Variants in CDK11B observed in about 807,000 individuals in gnomAD.
The protein encoded by CDK11B is cyclin dependent kinase 11B.
Under a neutral mutation model 84.0 loss-of-function variants are expected in CDK11B, and 37 were observed. That is an observed-to-expected ratio of 0.44 (90% CI 0.34 to 0.58). CDK11B has a LOEUF of 0.58. Ranked by LOEUF, CDK11B falls within the 20% of genes least tolerant of loss-of-function variation. CDK11B has a pLI of 0.02. For synonymous variants in CDK11B, 269 were observed against 309.8 expected, an observed-to-expected ratio of 0.87 and a Z score of 1.38; for missense variants, 427 against 834.0, an observed-to-expected ratio of 0.51 and a Z score of 6.01.
chr1:1,637,307 C>T, intron 14 of CDK11B, 101 bp downstream of exon 14: 2 of 1,569,112 alleles, frequency 1.3e-6, no homozygotes, highest in Non-Finnish European at 1.7e-6. Flanking sequence ...AGGGCTTTCC[C>T]TGTGGATGCA....
At position 1,637,131 on chromosome 1, in the gene CDK11B, G is replaced by A. The variant is rs1183434157; in HGVS notation, c.1642C>T (p.Arg548Cys). 3.1e-6 allele frequency: 5 copies of A among 1,613,622 alleles called. No homozygotes were observed. Among genetic ancestry groups the A allele is most frequent in the South Asian group, 1.1e-5 (1 of 91,084 alleles). ...KHLHDNWILH[R>C]DLKTSNLLLS... ...AGCAGGTTGGACGTCTTGAGGTCAC[G>A]GTGCAGGATCCAGTTGTCGTGCAGG... is the stretch of plus-strand genomic sequence containing the variant. The change falls in exon 15 of 20, where the codon CGT becomes TGT. Residue 548 changes from arginine to cysteine, a missense_variant. Arg to Cys is a radical substitution (Grantham distance 180). Transcript: ENST00000341832.
At chr1:1,655,300 A>C (rs1434029772) in intron 3 of CDK11B, 69 bp downstream of exon 3, 24 of 1,545,738 alleles carry the variant, frequency 1.6e-5, no homozygotes, top group Non-Finnish European at 2.0e-5. Flanking sequence ...TGTCACAGCG[A>C]CCCTAGGAAG....
In CDK11B at chr1:1,649,587, G is replaced by A. The variant is rs1350981089; in HGVS notation, c.406C>T (p.Arg136Trp). The change falls in exon 5 of 20, where the codon CGG (arginine) becomes TGG (tryptophan). Residue 136 changes from arginine (R) to tryptophan (W), a missense_variant. By Grantham distance (101) the Arg-to-Trp change is moderately radical. This residue lies in a region of CDK11B where 71 missense variants were observed against 66.2 expected (regional missense o/e 1.07). Transcript: ENST00000341832. The stretch of plus-strand genomic sequence containing the variant: ...GCTTTATCCTGTTCTTCTCGATGCC[G>A]TTTCCGACGTTCGTGCTCTCTTTCT... ...EKEREHERRK[R>W]HREEQDKARR... 7 of 1,606,706 alleles carry A rather than the reference G, an allele frequency of 4.4e-6. No individual in the cohort carries two copies. Among genetic ancestry groups the A allele is most frequent in the Middle Eastern group, 1.6e-4 (1 of 6,078 alleles).
chr1:1,651,227 C>A, intron 4 of CDK11B, among the ~76,000 whole-genome samples: 1 of 152,154 alleles, frequency 6.6e-6, no homozygotes, highest in Non-Finnish European at 1.5e-5. Flanking sequence ...TTCTCCTATA[C>A]TTGTTGAATT....
intron 2 of CDK11B, among the ~76,000 whole-genome samples, chr1:1,657,103 T>A (rs1173643913): frequency 6.6e-6 from 1 of 151,256 alleles, no homozygotes; most frequent in African/African-American, 2.4e-5. Context: ...CCGAGAAAAA[T>A]TAGTCCAGTT....
At chr1:1,650,252 A>AG (rs1241443851) in intron 4 of CDK11B, among the ~76,000 whole-genome samples, 2 of 134,916 alleles carry the variant, frequency 1.5e-5, no homozygotes, top group South Asian at 2.5e-4. Flanking sequence ...CCTGGGTGAC[A>AG]AGCAAGACTC....
intron 3 of CDK11B, among the ~76,000 whole-genome samples, chr1:1,654,937 C>T (rs902497239): frequency 1.1e-4 from 17 of 152,096 alleles, no homozygotes; most frequent in Admixed American, 2.0e-4. Flanking sequence ...GGATTACAGG[C>T]GTGAGCCACC....
intron 11 of CDK11B, among the ~76,000 whole-genome samples, chr1:1,639,473 T>A (rs565068860): frequency 1.3e-5 from 2 of 151,918 alleles, no homozygotes; most frequent in African/African-American, 2.4e-5. Context: ...CCCCTGCTTG[T>A]ACCAGGATGA....
intron 3 of CDK11B, among the ~76,000 whole-genome samples, chr1:1,655,084 G>A (rs375452022): frequency 4.7e-4 from 72 of 152,114 alleles, no homozygotes; most frequent in Admixed American, 2.4e-3. Flanking sequence ...ACCACACCTG[G>A]CCTGTGCAAA....
At chr1:1,650,607 T>C (rs1641874865) in intron 4 of CDK11B, among the ~76,000 whole-genome samples, 2 of 150,588 alleles carry the variant, frequency 1.3e-5, no homozygotes, top group South Asian at 2.1e-4. Flanking sequence ...CCTCGTGATC[T>C]GCCGGCCTCG....
At chr1:1,656,067 T>C (rs1298508574) in intron 2 of CDK11B, among the ~76,000 whole-genome samples, 2 of 152,234 alleles carry the variant, frequency 1.3e-5, no homozygotes, top group Non-Finnish European at 2.9e-5. Flanking sequence ...AAGGCGTATC[T>C]TGCAAACCAA....
intron 13 of CDK11B, 52 bp downstream of exon 13, chr1:1,637,710 C>G: frequency 6.2e-7 from 1 of 1,613,510 alleles, no homozygotes; most frequent in East Asian, 2.2e-5. Context: ...AGCACGGGGC[C>G]CTGTCAGAAA....
chr1:1,652,441 C>G lies in CDK11B; in HGVS notation c.353G>C (p.Gly118Ala). The G allele has an allele frequency of 1.3e-6, 2 of 1,499,550 alleles. No individual in the cohort carries two copies. The highest frequency in any genetic ancestry group is 1.8e-6 in the Non-Finnish European group (2 of 1,133,942). 92.9% of individuals were successfully genotyped at this position (1,499,550 alleles called of 1,614,324 possible). A position where few individuals can be genotyped will look rare whatever the true frequency, so the allele number is the denominator to read the frequency against. The change falls in exon 4 of 20, where the codon GGG (glycine) becomes GCG (alanine). Residue 118 changes from glycine (G) to alanine (A), a missense_variant and splice_region_variant. By Grantham distance (60) the Gly-to-Ala change is moderately conservative. Coordinates refer to ENST00000341832, the MANE Select transcript of CDK11B (RefSeq NM_033486.3). ...AAAGAAAGTAAATGCTTCTGTACCC[C>G]CTTCTGCTGAATGGCTACGATGCCT... The part of the protein sequence containing the change: ...KRRHRSHSAE[G>A]GKHARVKEKE...
intron 11 of CDK11B, among the ~76,000 whole-genome samples, chr1:1,639,089 C>T (rs1191409114): frequency 6.6e-6 from 1 of 151,528 alleles, no homozygotes; most frequent in Non-Finnish European, 1.5e-5. Flanking sequence ...TATAGGTACG[C>T]ACCACCACGC....
intron 4 of CDK11B, among the ~76,000 whole-genome samples, chr1:1,650,791 G>C (rs1168782502): frequency 6.7e-6 from 1 of 149,762 alleles, no homozygotes; most frequent in Non-Finnish European, 1.5e-5. Flanking sequence ...ACTGCACCCA[G>C]CCGAATAATC....
intron 2 of CDK11B, among the ~76,000 whole-genome samples, chr1:1,656,191 A>T (rs1477758085): frequency 6.6e-6 from 1 of 151,968 alleles, no homozygotes; most frequent in Non-Finnish European, 1.5e-5. Context: ...CAACGCATAT[A>T]AAAGTTTGGT....
rs1639165186 is a variant in CDK11B, at chr1:1,635,500, G to A, written c.*264C>T. On this transcript the variant is annotated 3_prime_UTR_variant, in exon 20 of 20. Transcript: ENST00000341832. ...CCGTGCGTGTCGAGAGTGGGAGAGG[G>A]TGTGTGGAGGTTTGTGCTGCCCCAC... 4.9e-6 allele frequency: 2 copies of A among 410,446 alleles called. No homozygotes were observed. Among genetic ancestry groups the A allele is most frequent in the South Asian group, 2.5e-5 (1 of 40,790 alleles). 25.4% of individuals were successfully genotyped at this position (410,446 alleles called of 1,614,324 possible). A position where few individuals can be genotyped will look rare whatever the true frequency, so the allele number is the denominator to read the frequency against.
intron 2 of CDK11B, among the ~76,000 whole-genome samples, chr1:1,656,249 G>T (rs1311763401): frequency 6.6e-6 from 1 of 152,208 alleles, no homozygotes; most frequent in Non-Finnish European, 1.5e-5. Flanking sequence ...CACTTTGGGA[G>T]GCTGGGTGAG....
At chr1:1,654,439 T>C (rs1236610009) in intron 3 of CDK11B, among the ~76,000 whole-genome samples, 1 of 152,146 alleles carries the variant, frequency 6.6e-6, no homozygotes, top group African/African-American at 2.4e-5. Flanking sequence ...ATTTAGTTTT[T>C]CTCATCTTCT....
Sources: gnomAD v4.1 joint callset for allele counts (sites outside exome capture counted in the v4.1 genomes callset) on GRCh38, gnomAD v4.1.1 for gene constraint, gnomAD v4.1.1 regional missense constraint, MANE v1.5 for transcripts, NCBI Gene and HGNC (gene_info 2026-07-23, HGNC 2026-07-21) for gene names.